ITPR2: variants seen among roughly 807,000 people sequenced by gnomAD.
ITPR2 encodes the protein inositol 1,4,5-trisphosphate receptor type 2.
In ITPR2, 207 loss-of-function variants were observed where a neutral mutation model predicts 317.1. The ratio of observed to expected loss-of-function variants is 0.65; its 90% confidence interval spans 0.58 to 0.73. The LOEUF (loss-of-function observed/expected upper bound fraction) is 0.73. Among genes scored for constraint, ITPR2 ranks in the 30% least tolerant of loss-of-function variants. ITPR2 has a pLI of 0.00. For synonymous variants in ITPR2, 1,156 were observed against 1,149.1 expected (o/e 1.01, Z -0.12); for missense variants, 2,613 against 3,284.0 (o/e 0.80, Z 4.99).
intron 55 of ITPR2, among the ~76,000 whole-genome samples, chr12:26,346,355 G>A (rs1938308400): frequency 6.6e-6 from 1 of 152,216 alleles, no homozygotes; most frequent in African/African-American, 2.4e-5. Flanking sequence ...AGGCACGGTG[G>A]CTCATGCCTA....
chr12:26,802,776 T>C (rs1197743936), intron 1 of ITPR2, among the ~76,000 whole-genome samples: 4 of 152,096 alleles, frequency 2.6e-5, no homozygotes, highest in Admixed American at 2.0e-4. Flanking sequence ...TAAATGTATA[T>C]GTAACAGCCT....
chr12:26,674,277 G>A (rs1177299986), intron 13 of ITPR2, among the ~76,000 whole-genome samples: 27 of 151,920 alleles, frequency 1.8e-4, no homozygotes, highest in African/African-American at 4.6e-4. Flanking sequence ...GAGGCATCAC[G>A]CTACCTGACT....
At position 26,622,161 on chromosome 12, in the gene ITPR2, C is replaced by T. The variant is rs1479543241; in HGVS notation, c.3288+79G>A. The T allele has an allele frequency of 4.6e-6, 6 of 1,309,908 alleles. No homozygotes were observed. The Admixed American group carries it at 1.4e-4, about 30-fold the overall frequency. The allele number at this position is 1,309,908 out of a possible 1,614,324, so 81.1% of individuals were successfully genotyped here. A position where few individuals can be genotyped will look rare whatever the true frequency, so the allele number is the denominator to read the frequency against. ...AAGCCACACAGTGTCATTACCTCTG[C>T]AGCCATGAAGTCAGGTTGGATGTTA... On this transcript the variant is annotated intron_variant, in intron 25 of 56. Coordinates refer to ENST00000381340, the MANE Select transcript of ITPR2 (RefSeq NM_002223.4).
chr12:26,804,427 G>A (rs1950608652), intron 1 of ITPR2, among the ~76,000 whole-genome samples: 1 of 152,142 alleles, frequency 6.6e-6, no homozygotes, highest in Non-Finnish European at 1.5e-5. Flanking sequence ...TTAAAGTGCA[G>A]AGACCTCTCT....
At chr12:26,714,852 G>A (rs951249367) in intron 8 of ITPR2, among the ~76,000 whole-genome samples, 1 of 152,092 alleles carries the variant, frequency 6.6e-6, no homozygotes, top group Non-Finnish European at 1.5e-5. Flanking sequence ...GATTCCAATA[G>A]AAATGGCATC....
chr12:26,580,089 T>C lies in ITPR2; in HGVS notation c.4447A>G (p.Ile1483Val), dbSNP rs377599063. The C allele has an allele frequency of 2.0e-5, 32 of 1,611,634 alleles. No individual in the cohort carries two copies. In the African/African-American group the frequency reaches 2.1e-4, roughly 11 times the overall value. The change falls in exon 33 of 57, where the codon ATA becomes GTA. Residue 1483 changes from isoleucine to valine, a missense_variant. Coordinates refer to ENST00000381340, the MANE Select transcript of ITPR2 (RefSeq NM_002223.4). ...IFLEKCVTES[I>V]MNIVSGFFNS... ...AAGAAGCCGCTCACAATATTCATTA[T>C]TGACTCAGTAACACACTTTTCCAAA... is the stretch of plus-strand genomic sequence containing the variant.
At chr12:26,341,840 T>C (rs1442236104) in intron 55 of ITPR2, among the ~76,000 whole-genome samples, 1 of 152,204 alleles carries the variant, frequency 6.6e-6, no homozygotes, top group Non-Finnish European at 1.5e-5. Flanking sequence ...CAAAATCCCC[T>C]GGTTGCTTGT....
chr12:26,794,491 A>G (rs1950396521), intron 1 of ITPR2, among the ~76,000 whole-genome samples: 1 of 152,126 alleles, frequency 6.6e-6, no homozygotes, highest in Admixed American at 6.5e-5. Context: ...GCTTCAATCT[A>G]TAGAAATTAA....
At chr12:26,811,779 C>T (rs1247903663) in intron 1 of ITPR2, among the ~76,000 whole-genome samples, 1 of 142,482 alleles carries the variant, frequency 7.0e-6, no homozygotes, top group Non-Finnish European at 1.5e-5. Flanking sequence ...GCGCGAACCC[C>T]GGAGGCGGAG....
At chr12:26,827,026 A>G (rs149474047) in intron 1 of ITPR2, among the ~76,000 whole-genome samples, 2 of 152,316 alleles carry the variant, frequency 1.3e-5, no homozygotes, top group East Asian at 1.9e-4. Flanking sequence ...AATCAACACT[A>G]CATTTGAAAG....
chr12:26,492,278 T>C (rs948653375), intron 39 of ITPR2, among the ~76,000 whole-genome samples: 1 of 152,184 alleles, frequency 6.6e-6, no homozygotes, highest in Non-Finnish European at 1.5e-5. Context: ...CAGGAATTTA[T>C]AAGTAGAAGG....
intron 2 of ITPR2, among the ~76,000 whole-genome samples, chr12:26,741,279 T>C (rs566018945): frequency 6.6e-6 from 1 of 152,376 alleles, no homozygotes; most frequent in Non-Finnish European, 1.5e-5. Flanking sequence ...TTTTAATCTC[T>C]AGTTAAGAAG....
intron 55 of ITPR2, among the ~76,000 whole-genome samples, chr12:26,375,033 T>C (rs1939295458): frequency 6.6e-6 from 1 of 152,242 alleles, no homozygotes; most frequent in South Asian, 2.1e-4. Flanking sequence ...TTAAAAACCA[T>C]TAGACAGAAT....
At chr12:26,772,569 A>AT (rs1949889666) in intron 2 of ITPR2, among the ~76,000 whole-genome samples, 1 of 141,780 alleles carries the variant, frequency 7.1e-6, no homozygotes, top group Non-Finnish European at 1.5e-5. Context: ...TATTATATAT[A>AT]TATATGTATC....
intron 39 of ITPR2, among the ~76,000 whole-genome samples, chr12:26,490,202 G>A (rs1942765971): frequency 6.6e-6 from 1 of 152,148 alleles, no homozygotes; most frequent in Admixed American, 6.5e-5. Flanking sequence ...CAATTGGAGA[G>A]GCAGGGTATA....
At chr12:26,404,198 A>G (rs1370740125) in intron 52 of ITPR2, among the ~76,000 whole-genome samples, 2 of 152,170 alleles carry the variant, frequency 1.3e-5, no homozygotes, top group African/African-American at 4.8e-5. Context: ...AGCTGACAGA[A>G]CTGTAGGCAG....
Position 26,602,617 on chromosome 12 carries a change from C to T in ITPR2, c.3552G>A (p.Glu1184=). 3 of 1,606,620 alleles carry T rather than the reference C, an allele frequency of 1.9e-6. No individual in the cohort carries two copies. Among genetic ancestry groups the T allele is most frequent in the Non-Finnish European group, 2.6e-6 (3 of 1,174,096 alleles). ...NKSNNYRIVK[E]ILIRLSKLCV... is the part of the protein sequence containing the mutation. ...ATAAGAATATTTTGTATCTGCCGAC[C>T]TCCTTTACAATCCGGTAGTTATTGC... The change falls in exon 27 of 57, where the codon GAG becomes GAA. Residue 1184 remains glutamate, a splice_region_variant and synonymous_variant. Transcript: ENST00000381340.
At chr12:26,658,980 T>C (rs1312041705) in intron 16 of ITPR2, 133 bp downstream of exon 16, 3 of 628,608 alleles carry the variant, frequency 4.8e-6, no homozygotes, top group Admixed American at 3.0e-5. Context: ...ACAATTATTA[T>C]AGCAATAAGC....
chr12:26,653,811 G>A (rs1441939611), intron 21 of ITPR2, among the ~76,000 whole-genome samples, 165 bp downstream of exon 21: 1 of 152,194 alleles, frequency 6.6e-6, no homozygotes, highest in African/African-American at 2.4e-5. Context: ...AGAGATGCAT[G>A]TTTGTAAATC....
Sources: allele counts gnomAD v4.1 joint callset (sites outside exome capture counted in the v4.1 genomes callset), GRCh38; gene constraint gnomAD v4.1.1; transcripts MANE v1.5; gene names NCBI Gene and HGNC (gene_info 2026-07-23, HGNC 2026-07-21).